Variants in ABHD12 observed in about 807,000 individuals in gnomAD.
The protein encoded by ABHD12 is abhydrolase domain containing 12, lysophospholipase, also known as lysophosphatidylserine lipase ABHD12.
Under a neutral mutation model 58.3 loss-of-function variants are expected in ABHD12, and 43 were observed. The ratio of observed to expected loss-of-function variants is 0.74; its 90% confidence interval spans 0.58 to 0.95. The LOEUF is 0.95. Ranked by LOEUF, ABHD12 falls within the 40% of genes least tolerant of loss-of-function variation. The pLI, the probability that ABHD12 is intolerant of heterozygous loss-of-function variation, is 0.00. For synonymous variants in ABHD12, 219 were observed against 211.2 expected (o/e 1.04, Z -0.32); for missense variants, 539 against 537.2 (o/e 1.00, Z -0.03).
rs189421384 is a variant in ABHD12, at chr20:25,387,644, A to G, written c.191+2869T>C. 4.6e-5 allele frequency among the ~76,000 whole-genome samples: 7 copies of G among 150,562 alleles called. No homozygotes were observed. The East Asian group carries it at 1.4e-3, about 30-fold the overall frequency. On this transcript the variant is annotated intron_variant, in intron 1 of 12. Coordinates refer to ENST00000339157, the MANE Select transcript of ABHD12 (RefSeq NM_001042472.3). ...GTGGTGGCATACACCCAGCATCGAT[A>G]TGGGAGGATCGCCTGAGCCCAGGAG... is the stretch of plus-strand genomic sequence containing the variant.
In ABHD12 at chr20:25,302,128, T is replaced by C. The variant is rs866494149; in HGVS notation, c.1157+91A>G. The C allele has an allele frequency of 2.8e-5, 44 of 1,587,442 alleles. No homozygotes were observed. The African/African-American group carries it at 5.1e-4, about 18-fold the overall frequency. On this transcript the variant is annotated intron_variant, in intron 12 of 12. Coordinates refer to ENST00000339157, the MANE Select transcript of ABHD12 (RefSeq NM_001042472.3). ...GACTCTTGGCCCCACTGAGGCCCCC[T>C]GAGCAGCTTCAGCAGCTGCCACCTG...
At position 25,350,508 on chromosome 20, in the gene ABHD12, G is replaced by A. The variant is rs140303950; in HGVS notation, c.192-11157C>T. 3.1e-3 allele frequency among the ~76,000 whole-genome samples: 474 copies of A among 152,242 alleles called. 16 individuals carry two copies. Among genetic ancestry groups the A allele is most frequent in the Non-Finnish European group, 6.6e-4 (45 of 68,016 alleles). On this transcript the variant is annotated intron_variant, in intron 1 of 12. Coordinates refer to ENST00000339157, the MANE Select transcript of ABHD12 (RefSeq NM_001042472.3). ...CACTGCACAAGCTCTCCTGTGTGCC[G>A]CCATGTAAGATGTGACTTTGCTTCT...
intron 1 of ABHD12, among the ~76,000 whole-genome samples, chr20:25,344,255 G>A (rs900848340): frequency 5.9e-5 from 9 of 152,122 alleles, no homozygotes; most frequent in Non-Finnish European, 1.0e-4. Flanking sequence ...ATAGAGACCC[G>A]GGAAGGAAAA....
At chr20:25,361,001 G>A (rs2089739202) in intron 1 of ABHD12, among the ~76,000 whole-genome samples, 1 of 152,226 alleles carries the variant, frequency 6.6e-6, no homozygotes, top group Non-Finnish European at 1.5e-5. Context: ...AAACAGTGTG[G>A]AGAACCCCCA....
chr20:25,310,327 T>A (rs1363531907), intron 6 of ABHD12: 1 of 152,262 alleles, frequency 6.6e-6, no homozygotes, highest in Non-Finnish European at 1.5e-5. Context: ...CTGTTTCCCC[T>A]TAGGGTCTAA....
chr20:25,303,118 T>A, intron 11 of ABHD12: 1 of 671,322 alleles, frequency 1.5e-6, no homozygotes, highest in Non-Finnish European at 2.0e-6. Flanking sequence ...AGTTTCTCTA[T>A]CAATTTTGAC....
chr20:25,305,319 TTC>T (rs1284950092), intron 10 of ABHD12, among the ~76,000 whole-genome samples: 7 of 152,342 alleles, frequency 4.6e-5, no homozygotes, highest in Admixed American at 1.3e-4. Flanking sequence ...TTTTTTCATA[TTC>T]TGTTTCAAAT....
chr20:25,390,437 C>T, intron 1 of ABHD12, 76 bp downstream of exon 1: 1 of 1,303,524 alleles, frequency 7.7e-7, no homozygotes, highest in Non-Finnish European at 9.8e-7. Flanking sequence ...GGAGGTACCG[C>T]GGCCCCCTGC....
chr20:25,357,710 C>T (rs1382205453), intron 1 of ABHD12, among the ~76,000 whole-genome samples: 1 of 152,160 alleles, frequency 6.6e-6, no homozygotes, highest in Non-Finnish European at 1.5e-5. Flanking sequence ...GACAGACATT[C>T]ATAATAATAT....
intron 10 of ABHD12, among the ~76,000 whole-genome samples, chr20:25,304,953 A>C (rs1448311025): frequency 6.6e-6 from 1 of 150,938 alleles, no homozygotes; most frequent in East Asian, 2.0e-4. Context: ...GTGCAATGGC[A>C]TGATCTTGGC....
intron 1 of ABHD12, among the ~76,000 whole-genome samples, chr20:25,364,756 A>C (rs1303551270): frequency 1.3e-5 from 2 of 152,246 alleles, no homozygotes; most frequent in African/African-American, 4.8e-5. Context: ...TTTTCACCTA[A>C]ATCACTGGCA....
chr20:25,330,986 G>A (rs2089263889), intron 2 of ABHD12, among the ~76,000 whole-genome samples: 1 of 152,238 alleles, frequency 6.6e-6, no homozygotes, highest in Non-Finnish European at 1.5e-5. Context: ...CTAGCTGAGA[G>A]AAGAAGGCTT....
chr20:25,299,091 T>C (rs1393227956), downstream of ABHD12, among the ~76,000 whole-genome samples: 2 of 21,872 alleles, frequency 9.1e-5, no homozygotes, highest in Non-Finnish European at 1.3e-4. Context: ...CTGCATCATC[T>C]CAGTTTTGTA....
At chr20:25,301,227 G>A (rs1207189374) in intron 12 of ABHD12, among the ~76,000 whole-genome samples, 1 of 152,156 alleles carries the variant, frequency 6.6e-6, no homozygotes, top group Non-Finnish European at 1.5e-5. Context: ...TGAGCCCACT[G>A]CCCCCTTAGC....
intron 1 of ABHD12, among the ~76,000 whole-genome samples, chr20:25,388,172 T>G (rs1382436418): frequency 6.6e-6 from 1 of 152,036 alleles, no homozygotes; most frequent in Non-Finnish European, 1.5e-5. Flanking sequence ...TTAGATTGTC[T>G]TCTCTACTTC....
intron 1 of ABHD12, among the ~76,000 whole-genome samples, chr20:25,366,378 T>C (rs192341054): frequency 1.3e-5 from 2 of 152,132 alleles, no homozygotes; most frequent in Admixed American, 6.5e-5. Context: ...CAGGTTCTCC[T>C]GCCTCAGCCT....
At chr20:25,385,313 GACA>G (rs1181429211) in intron 1 of ABHD12, among the ~76,000 whole-genome samples, 2 of 128,250 alleles carry the variant, frequency 1.6e-5, no homozygotes, top group African/African-American at 6.4e-5. Context: ...CTCCAACCTG[GACA>G]ACAAGAGTGA....
chr20:25,320,835 T>TGC (rs1555813334), intron 3 of ABHD12, among the ~76,000 whole-genome samples: 8 of 151,524 alleles, frequency 5.3e-5, no homozygotes, highest in Non-Finnish European at 1.2e-4. Flanking sequence ...TAATGTCAAG[T>TGC]ATGCACCACC....
intron 1 of ABHD12, among the ~76,000 whole-genome samples, chr20:25,379,781 T>C (rs568933939): frequency 9.9e-5 from 15 of 152,254 alleles, no homozygotes; most frequent in African/African-American, 3.4e-4. Flanking sequence ...CAGACCAGAG[T>C]GCAGTGGCTT....
Sources: gnomAD v4.1 joint callset for allele counts (sites outside exome capture counted in the v4.1 genomes callset) on GRCh38, gnomAD v4.1.1 for gene constraint, MANE v1.5 for transcripts, NCBI Gene and HGNC (gene_info 2026-07-23, HGNC 2026-07-21) for gene names.